ANOS1: variants seen among roughly 807,000 people sequenced by gnomAD.
The protein encoded by ANOS1 is anosmin-1.
ANOS1 carries 6 observed loss-of-function variants against 59.0 expected under a neutral mutation model. The ratio of observed to expected loss-of-function variants is 0.10; its 90% CI spans 0.06 to 0.20. The LOEUF (loss-of-function observed/expected upper bound fraction) is 0.20. Among genes scored for constraint, ANOS1 ranks in the 10% least tolerant of loss-of-function variants. The probability of loss-of-function intolerance (pLI) is 1.00; values close to 1 mark genes in which losing one functional copy is unlikely to be tolerated. For missense variants in ANOS1, 433 were observed against 542.3 expected (o/e 0.80, Z 2.00); for synonymous variants, 217 against 223.4 (o/e 0.97, Z 0.25).
At chrX:8,676,160 C>A (rs1932334813) in intron 2 of ANOS1, among the ~76,000 whole-genome samples, 1 of 111,261 alleles carries the variant, frequency 9.0e-6, no homozygotes, top group Non-Finnish European at 1.9e-5. Flanking sequence ...TTTTATCTAA[C>A]CCAAATGGCC....
At chrX:8,583,443 A>AT (rs1286291498) in intron 6 of ANOS1, among the ~76,000 whole-genome samples, 1 of 111,826 alleles carries the variant, frequency 8.9e-6, no homozygotes, top group Non-Finnish European at 1.9e-5. Context: ...TCTTTAAAAC[A>AT]TTTTTCCCAG....
chrX:8,603,524 T>C (rs1013230409), intron 3 of ANOS1, among the ~76,000 whole-genome samples: 1 of 112,072 alleles, frequency 8.9e-6, no homozygotes, highest in Non-Finnish European at 1.9e-5. Flanking sequence ...CTAACAAAAG[T>C]AGGCAACATT....
At chrX:8,655,509 G>A (rs970528519) in intron 2 of ANOS1, among the ~76,000 whole-genome samples, 12 of 111,374 alleles carry the variant, frequency 1.1e-4, no homozygotes, top group African/African-American at 3.6e-4. Flanking sequence ...TTAGGGGTCC[G>A]AGGCCCTAGG....
chrX:8,558,360 G>A (rs768379264), intron 8 of ANOS1, among the ~76,000 whole-genome samples: 8 of 109,896 alleles, frequency 7.3e-5, no homozygotes, highest in African/African-American at 2.6e-4. Context: ...ATTTCATCCT[G>A]TTATTTAGTC....
chrX:8,653,242 T>C (rs759687785), intron 2 of ANOS1, among the ~76,000 whole-genome samples: 8 of 111,791 alleles, frequency 7.2e-5, no homozygotes, highest in Non-Finnish European at 1.3e-4. Context: ...TTGTTCTTGC[T>C]TTTATCATCT....
intron 9 of ANOS1, among the ~76,000 whole-genome samples, chrX:8,543,578 T>C (rs1193798509): frequency 1.8e-5 from 2 of 110,685 alleles, no homozygotes; most frequent in African/African-American, 3.3e-5. Flanking sequence ...AATAGCATAG[T>C]TCAGGCCGGG....
intron 2 of ANOS1, among the ~76,000 whole-genome samples, chrX:8,675,973 C>T (rs1315060717): frequency 2.9e-5 from 3 of 104,817 alleles, no homozygotes; most frequent in South Asian, 8.7e-4. Context: ...GTTTTCTGTT[C>T]CTGCATTAGT....
At chrX:8,547,247 A>G (rs935210043) in intron 9 of ANOS1, among the ~76,000 whole-genome samples, 8 of 111,404 alleles carry the variant, frequency 7.2e-5, no homozygotes, top group African/African-American at 2.6e-4. Context: ...GGCATACCAT[A>G]TAAGCTTCTC....
intron 8 of ANOS1, among the ~76,000 whole-genome samples, chrX:8,565,143 C>T (rs1353878045): frequency 1.8e-5 from 2 of 111,787 alleles, no homozygotes; most frequent in East Asian, 5.6e-4. Flanking sequence ...TTTCTCCTTG[C>T]TTTTGGTTCT....
chrX:8,729,712 T>TAAAAAAAAAAAAAACAAAAAAAAA (rs1932953720), intron 1 of ANOS1, among the ~76,000 whole-genome samples: 1 of 63,087 alleles, frequency 1.6e-5, no homozygotes, highest in African/African-American at 5.9e-5. Context: ...TTCTAATTAT[T>TAAAAAAAAAAAAAACAAAAAAAAA]AAAAAAAAAA....
intron 8 of ANOS1, among the ~76,000 whole-genome samples, chrX:8,554,511 C>T (rs1303994395): frequency 2.0e-5 from 2 of 102,418 alleles, no homozygotes; most frequent in African/African-American, 7.1e-5. Context: ...ACTGGGAGGC[C>T]ATTTGGGCAG....
At chrX:8,731,759 G>GGCGC in intron 1 of ANOS1, 71 bp downstream of exon 1, 2 of 1,141,117 alleles carry the variant, frequency 1.8e-6, no homozygotes, top group Non-Finnish European at 2.3e-6. Flanking sequence ...CAGGCTGGGA[G>GGCGC]GCGCGCGCCC....
At chrX:8,579,991 G>A (rs1256345366) in intron 6 of ANOS1, among the ~76,000 whole-genome samples, 1 of 112,165 alleles carries the variant, frequency 8.9e-6, no homozygotes, top group Non-Finnish European at 1.9e-5. Flanking sequence ...CTTGGATCAG[G>A]TTCTGAAGGT....
chrX:8,597,302 G>GA (rs1324587753), intron 3 of ANOS1, 46 bp from the exon 4 acceptor site: 2 of 1,062,922 alleles, frequency 1.9e-6, no homozygotes, highest in Middle Eastern at 5.2e-4. Flanking sequence ...AAAGACACAT[G>GA]AAGTCTGATT....
intron 4 of ANOS1, among the ~76,000 whole-genome samples, chrX:8,592,772 G>A (rs945453680): frequency 8.1e-5 from 9 of 111,655 alleles, no homozygotes; most frequent in African/African-American, 2.9e-4. Flanking sequence ...GTACCAGCAG[G>A]CATCTCCAAT....
At chrX:8,572,349 C>G (rs1330888508) in intron 6 of ANOS1, among the ~76,000 whole-genome samples, 1 of 106,480 alleles carries the variant, frequency 9.4e-6, no homozygotes, top group Non-Finnish European at 1.9e-5. Flanking sequence ...GTGTTCTCAT[C>G]CTTCGGCTCC....
chrX:8,729,482 G>A (rs1222903446), intron 1 of ANOS1, among the ~76,000 whole-genome samples: 1 of 84,995 alleles, frequency 1.2e-5, no homozygotes, highest in Admixed American at 1.6e-4. Context: ...CACTGCAACC[G>A]CTGCCTCCCG....
At position 8,570,675 on chromosome X, in the gene ANOS1, G is replaced by A. The variant is rs1047502424; in HGVS notation, c.886C>T (p.Leu296Phe). The A allele has an allele frequency of 7.4e-6, 9 of 1,209,749 alleles. No homozygotes were observed. The highest frequency in any genetic ancestry group is 1.0e-5 in the Non-Finnish European group (9 of 895,151). ...DPSAPPAPAN[L>F]RLANSTVNSD... ...TTGACGGTGGAGTTGGCCAGCCGGAGGTTAGCCGGTGCTGGTGGGGCAGAT... is the reference window on the plus strand; with the variant it reads ...TTGACGGTGGAGTTGGCCAGCCGGAAGTTAGCCGGTGCTGGTGGGGCAGAT... The change falls in exon 7 of 14, where the codon CTC (leucine) becomes TTC (phenylalanine). Residue 296 changes from leucine (L) to phenylalanine (F), a missense_variant. Leu to Phe is a conservative substitution (Grantham distance 22). Transcript: ENST00000262648.
chrX:8,615,730 T>C (rs1931162803), intron 3 of ANOS1, among the ~76,000 whole-genome samples: 1 of 110,495 alleles, frequency 9.1e-6, no homozygotes, highest in Non-Finnish European at 1.9e-5. Context: ...TGCAGCTGCA[T>C]CTGGTGCATT....
Sources: gnomAD v4.1 joint callset for allele counts (sites outside exome capture counted in the v4.1 genomes callset) on GRCh38, gnomAD v4.1.1 for gene constraint, MANE v1.5 for transcripts, NCBI Gene and HGNC (gene_info 2026-07-23, HGNC 2026-07-21) for gene names.